The following AGBL4 variants were observed in gnomAD, a reference collection of about 807,000 sequenced individuals.
AGBL4 encodes AGBL carboxypeptidase 4.
A neutral mutation model predicts 66.4 loss-of-function variants in AGBL4; 58 were observed. That is an observed-to-expected ratio of 0.87 (90% confidence interval 0.71 to 1.09). AGBL4 has a LOEUF of 1.09. Ranked by LOEUF, AGBL4 falls within the 50% of genes least tolerant of loss-of-function variation. The pLI, the probability that AGBL4 is intolerant of heterozygous loss-of-function variation, is 0.00. For missense variants in AGBL4, 579 were observed against 631.0 expected (o/e 0.92, Z 0.88); for synonymous variants, 234 against 222.9 (o/e 1.05, Z -0.44).
At chr1:49,643,349 ACAT>A (rs1028695268) in intron 3 of AGBL4, among the ~76,000 whole-genome samples, 7 of 151,868 alleles carry the variant, frequency 4.6e-5, no homozygotes, top group African/African-American at 1.4e-4. Flanking sequence ...CTGTGGGAAA[ACAT>A]CAAGTGGCCT....
At chr1:49,828,872 C>T (rs1328507584) in intron 2 of AGBL4, among the ~76,000 whole-genome samples, 1 of 151,938 alleles carries the variant, frequency 6.6e-6, no homozygotes, top group Non-Finnish European at 1.5e-5. Context: ...AGATCAAGAC[C>T]ATCCTGGCTA....
intron 3 of AGBL4, among the ~76,000 whole-genome samples, chr1:49,402,580 T>TC (rs1214850765): frequency 2.0e-5 from 3 of 151,652 alleles, no homozygotes; most frequent in Non-Finnish European, 4.4e-5. Context: ...TTTTTTTTTT[T>TC]TTTTGAGATG....
intron 6 of AGBL4, among the ~76,000 whole-genome samples, chr1:48,854,564 C>A (rs1375486319): frequency 6.6e-6 from 1 of 152,176 alleles, no homozygotes; most frequent in Admixed American, 6.5e-5. Context: ...AAAATGGCCA[C>A]AGAGATAGTC....
At chr1:48,563,980 G>A (rs12734355) in intron 11 of AGBL4, among the ~76,000 whole-genome samples, 1 of 152,056 alleles carries the variant, frequency 6.6e-6, no homozygotes, top group Non-Finnish European at 1.5e-5. Context: ...CCACATTTGT[G>A]TACCTTCTCC....
intron 3 of AGBL4, among the ~76,000 whole-genome samples, chr1:49,364,690 C>T (rs1206647629): frequency 6.6e-6 from 1 of 152,138 alleles, no homozygotes; most frequent in Non-Finnish European, 1.5e-5. Context: ...GTTGGCCAGG[C>T]TGGTCTTGAA....
chr1:49,700,945 T>C (rs1383626180), intron 2 of AGBL4, among the ~76,000 whole-genome samples: 3 of 152,158 alleles, frequency 2.0e-5, no homozygotes, highest in Non-Finnish European at 2.9e-5. Context: ...AAAAAAATTA[T>C]CTGAATGTAC....
Position 48,733,795 on chromosome 1 carries a change from A to C in AGBL4, c.635-70554T>G, listed in dbSNP as rs573087853. ...TCACACAAAATTTGGTCAGGCGATC[A>C]GCTTGTGGGTCTCTGTGTTTCTTCT... is the stretch of plus-strand genomic sequence containing the variant. On this transcript the variant is annotated intron_variant, in intron 6 of 13. Transcript: ENST00000371839. Among the ~76,000 whole-genome samples, 14 of 152,352 alleles carry C rather than the reference A, an allele frequency of 9.2e-5. No individual in the cohort carries two copies. The South Asian group carries it at 2.7e-3, about 29-fold the overall frequency.
intron 5 of AGBL4, among the ~76,000 whole-genome samples, chr1:49,031,322 A>T (rs1664211226): frequency 1.3e-5 from 2 of 152,112 alleles, no homozygotes; most frequent in Non-Finnish European, 2.9e-5. Context: ...AGAAGGGTAG[A>T]TTTTAAATGT....
At chr1:49,238,430 C>T (rs1003885135) in intron 4 of AGBL4, among the ~76,000 whole-genome samples, 6 of 152,102 alleles carry the variant, frequency 3.9e-5, no homozygotes, top group Admixed American at 6.6e-5. Context: ...TTCAAGTTCA[C>T]TTATTCTCTT....
chr1:49,753,450 T>A (rs565939731), intron 2 of AGBL4, among the ~76,000 whole-genome samples: 12 of 152,236 alleles, frequency 7.9e-5, no homozygotes, highest in Non-Finnish European at 1.6e-4. Context: ...GTTAGTCTGA[T>A]GGGCTTCCCT....
intron 3 of AGBL4, among the ~76,000 whole-genome samples, chr1:49,344,567 A>C (rs992374581): frequency 2.0e-5 from 3 of 152,196 alleles, no homozygotes; most frequent in Non-Finnish European, 4.4e-5. Flanking sequence ...AAGGGGTGTT[A>C]TTCAGTTTTT....
intron 11 of AGBL4, among the ~76,000 whole-genome samples, chr1:48,570,849 C>T (rs1184427312): frequency 6.6e-6 from 1 of 152,146 alleles, no homozygotes; most frequent in African/African-American, 2.4e-5. Context: ...CGACTACAGT[C>T]ACACTTTCTT....
At chr1:48,894,965 C>T (rs958653642) in intron 5 of AGBL4, among the ~76,000 whole-genome samples, 4 of 152,194 alleles carry the variant, frequency 2.6e-5, no homozygotes, top group African/African-American at 9.7e-5. Flanking sequence ...AGTTCATCCA[C>T]CTATTTGGTA....
chr1:49,928,936 T>C (rs1571889925), intron 1 of AGBL4, among the ~76,000 whole-genome samples: 1 of 152,124 alleles, frequency 6.6e-6, no homozygotes, highest in East Asian at 1.9e-4. Flanking sequence ...CAATTATGGA[T>C]TAGAAAAAGA....
chr1:49,070,386 A>C (rs1644577047), intron 4 of AGBL4, among the ~76,000 whole-genome samples: 1 of 151,826 alleles, frequency 6.6e-6, no homozygotes, highest in Admixed American at 6.6e-5. Flanking sequence ...AATAGCTCTT[A>C]TTATTTTGAG....
chr1:48,705,624 T>C (rs1343762217), intron 6 of AGBL4, among the ~76,000 whole-genome samples: 2 of 152,222 alleles, frequency 1.3e-5, no homozygotes, highest in African/African-American at 4.8e-5. Context: ...GAGATTTAAA[T>C]CCAGTCTGAT....
intron 5 of AGBL4, among the ~76,000 whole-genome samples, chr1:48,927,103 G>A (rs1203452599): frequency 6.6e-6 from 1 of 152,088 alleles, no homozygotes; most frequent in Admixed American, 6.6e-5. Flanking sequence ...CTAAATGGAG[G>A]CAGGTCAATG....
intron 1 of AGBL4, among the ~76,000 whole-genome samples, chr1:49,885,597 A>C (rs1316408367): frequency 6.6e-6 from 1 of 152,110 alleles, no homozygotes; most frequent in African/African-American, 2.4e-5. Context: ...GTTAAGCTAC[A>C]ATCAATTAGA....
intron 4 of AGBL4, among the ~76,000 whole-genome samples, chr1:49,070,330 C>A (rs1303595366): frequency 6.6e-6 from 1 of 151,852 alleles, no homozygotes; most frequent in African/African-American, 2.4e-5. Context: ...GGGAATACTT[C>A]CAGTTTTTGC....
Sources: allele counts gnomAD v4.1 joint callset (sites outside exome capture counted in the v4.1 genomes callset), GRCh38; gene constraint gnomAD v4.1.1; transcripts MANE v1.5; gene names NCBI Gene and HGNC (gene_info 2026-07-23, HGNC 2026-07-21).